The following IGF1 variants were observed in gnomAD, a reference collection of about 807,000 sequenced individuals.
IGF1 encodes insulin like growth factor 1.
Under a neutral mutation model 13.8 loss-of-function variants are expected in IGF1, and 4 were observed. The ratio of observed to expected loss-of-function variants is 0.29; its 90% CI spans 0.14 to 0.66. IGF1 has a LOEUF of 0.66. Among genes scored for constraint, IGF1 ranks in the 30% least tolerant of loss-of-function variants. The pLI, the probability that IGF1 is intolerant of heterozygous loss-of-function variation, is 0.78. For missense variants in IGF1, 124 were observed against 188.5 expected (o/e 0.66, Z 2.00); for synonymous variants, 76 against 72.6 (o/e 1.05, Z -0.23).
At position 102,395,925 on chromosome 12, in the gene IGF1, T is replaced by G. The variant is rs1235941006; in HGVS notation, c.*6582A>C. The stretch of plus-strand genomic sequence containing the variant: ...TAATTACTAAAGAAAGATATACCAT[T>G]TTATTATGACACTCTAGCCATACAT... On this transcript the variant is annotated 3_prime_UTR_variant, in exon 4 of 4. Coordinates refer to ENST00000337514, the MANE Select transcript of IGF1 (RefSeq NM_000618.5). 1 of 152,140 alleles carries G rather than the reference T, an allele frequency of 6.6e-6. No individual in the cohort carries two copies. Among genetic ancestry groups the G allele is most frequent in the African/African-American group, 2.4e-5 (1 of 41,430 alleles). The allele number at this position is 152,140 out of a possible 1,614,324, so 9.4% of individuals were successfully genotyped here.
chr12:102,448,465 G>C (rs1238770994), intron 2 of IGF1, among the ~76,000 whole-genome samples: 17 of 143,542 alleles, frequency 1.2e-4, no homozygotes, highest in Admixed American at 2.8e-4. Context: ...CGCATATTCT[G>C]ACTCATAGGT....
chr12:102,433,067 A>G (rs1003736508), intron 2 of IGF1, among the ~76,000 whole-genome samples: 2 of 152,146 alleles, frequency 1.3e-5, no homozygotes, highest in Non-Finnish European at 2.9e-5. Context: ...GCTCCTTCTG[A>G]ACTCAGGTCC....
In IGF1 at chr12:102,398,402, T is replaced by G. The variant is rs1185984975; in HGVS notation, c.*4105A>C. 3.3e-5 allele frequency: 5 copies of G among 152,258 alleles called. No individual in the cohort carries two copies. The highest frequency in any genetic ancestry group is 5.9e-5 in the Non-Finnish European group (4 of 68,030). 9.4% of individuals were successfully genotyped at this position (152,258 alleles called of 1,614,324 possible). A position where few individuals can be genotyped will look rare whatever the true frequency, so the allele number is the denominator to read the frequency against. The stretch of plus-strand genomic sequence containing the variant: ...TTCTCTTTGTTCTTATTTTCTCCAC[T>G]TGCTGAATATCTGTTTTAGAGCAGA... On this transcript the variant is annotated 3_prime_UTR_variant, in exon 4 of 4. Transcript: ENST00000337514.
chr12:102,430,532 A>G (rs1382811928), intron 2 of IGF1, among the ~76,000 whole-genome samples: 1 of 152,184 alleles, frequency 6.6e-6, no homozygotes, highest in Non-Finnish European at 1.5e-5. Context: ...AGGAGTTCTG[A>G]TGAGAGAATG....
rs1352283655 is a variant in IGF1 at position 102,398,354 on chromosome 12, T to C, written c.*4153A>G. ...AGGGGGATTTGGCAGAAGCTATTTT[T>C]TGCAGGTAAATCTATGTATTTTTTC... On this transcript the variant is annotated 3_prime_UTR_variant, in exon 4 of 4. Transcript: ENST00000337514. 6 of 152,512 alleles carry C rather than the reference T, an allele frequency of 3.9e-5. No homozygotes were observed. The highest frequency in any genetic ancestry group is 1.4e-4 in the African/African-American group (6 of 41,466). The allele number at this position is 152,512 out of a possible 1,614,324, so 9.4% of individuals were successfully genotyped here.
intron 3 of IGF1, among the ~76,000 whole-genome samples, chr12:102,415,466 G>A (rs1295252124): frequency 4.0e-5 from 6 of 151,540 alleles, no homozygotes; most frequent in Admixed American, 2.0e-4. Flanking sequence ...AACTCATTCC[G>A]AAAAGAACTG....
chr12:102,441,906 G>GCTGCTGCTGCTTCTGCTTCTTCTT, intron 2 of IGF1, among the ~76,000 whole-genome samples: 1 of 100,292 alleles, frequency 1.0e-5, no homozygotes, highest in African/African-American at 3.9e-5. Flanking sequence ...CTATTACACT[G>GCTGCTGCTGCTTCTGCTTCTTCTT]CTTCTTCTCC....
In IGF1 at chr12:102,419,611, A is replaced by G. The variant is rs761229025; in HGVS notation, c.300T>C (p.Cys100=). 1 of 1,613,796 alleles carries G rather than the reference A, an allele frequency of 6.2e-7. No individual in the cohort carries two copies. Among genetic ancestry groups the G allele is most frequent in the Non-Finnish European group, 8.5e-7 (1 of 1,180,008 alleles). Residue 100 remains cysteine (C), a synonymous_variant, in exon 3 of 4, where the codon TGT becomes TGC. Coordinates refer to ENST00000337514, the MANE Select transcript of IGF1 (RefSeq NM_000618.5). ...GIVDECCFRS[C]DLRRLEMYCA... ...AATACATCTCCAGCCTCCTTAGATC[A>G]CAGCTCCGGAAGCAGCACTCATCCA...
At chr12:102,462,553 T>G (rs1324409518) in intron 2 of IGF1, among the ~76,000 whole-genome samples, 1 of 152,218 alleles carries the variant, frequency 6.6e-6, no homozygotes, top group African/African-American at 2.4e-5. Flanking sequence ...AAAGCACCGA[T>G]AATCTACAGA....
chr12:102,465,806 G>C (rs574941102), intron 2 of IGF1, among the ~76,000 whole-genome samples: 1 of 152,060 alleles, frequency 6.6e-6, no homozygotes, highest in African/African-American at 2.4e-5. Context: ...GCAAGGTGGT[G>C]CATGCCTGTC....
At chr12:102,454,664 T>C (rs978175409) in intron 2 of IGF1, among the ~76,000 whole-genome samples, 3 of 152,194 alleles carry the variant, frequency 2.0e-5, no homozygotes, top group East Asian at 1.9e-4. Flanking sequence ...ATTTTGAAAA[T>C]TGTTCATAGA....
chr12:102,440,103 G>A (rs1030313178), intron 2 of IGF1, among the ~76,000 whole-genome samples: 16 of 152,082 alleles, frequency 1.1e-4, no homozygotes, highest in African/African-American at 2.7e-4. Flanking sequence ...TGATTCTTAC[G>A]GCCGCTAAGC....
At chr12:102,448,458 A>G (rs554394329) in intron 2 of IGF1, among the ~76,000 whole-genome samples, 81 of 145,726 alleles carry the variant, frequency 5.6e-4, no homozygotes, top group South Asian at 9.0e-4. Flanking sequence ...CAAACACCGC[A>G]TATTCTGACT....
In IGF1 at chr12:102,396,583, TTTACA is replaced by T. The variant is rs1873202394; in HGVS notation, c.*5919_*5923del. On this transcript the variant is annotated 3_prime_UTR_variant, in exon 4 of 4. Coordinates refer to ENST00000337514, the MANE Select transcript of IGF1 (RefSeq NM_000618.5). ...AGAGCTCTGTTTTTATTTTTCCTAC[TTTACA>T]TCAGTGCATTTTGGGCAAAATAAAA... 1 of 299,334 alleles carries T rather than the reference TTTACA, an allele frequency of 3.3e-6. No individual in the cohort carries two copies. The highest frequency in any genetic ancestry group is 6.1e-6 in the Non-Finnish European group (1 of 164,894). The allele number at this position is 299,334 out of a possible 1,614,324, so 18.5% of individuals were successfully genotyped here.
chr12:102,418,342 G>C (rs1244093302), intron 3 of IGF1, among the ~76,000 whole-genome samples: 1 of 152,228 alleles, frequency 6.6e-6, no homozygotes, highest in Non-Finnish European at 1.5e-5. Flanking sequence ...ACTGTGTTCT[G>C]TGTGTGTTGG....
At chr12:102,419,101 T>C (rs1294973916) in intron 3 of IGF1, among the ~76,000 whole-genome samples, 2 of 152,222 alleles carry the variant, frequency 1.3e-5, no homozygotes, top group Non-Finnish European at 2.9e-5. Flanking sequence ...TCTCAAAGTA[T>C]ATGCATGAGC....
Position 102,441,906 on chromosome 12 carries a change from G to GCTGCTGCTGCCTCTTCTTCTTCTTCTT in IGF1, c.221-22217_221-22216insAAGAAGAAGAAGAAGAGGCAGCAGCAG. Among the ~76,000 whole-genome samples, 125 of 100,326 alleles carry GCTGCTGCTGCCTCTTCTTCTTCTTCTT rather than the reference G, an allele frequency of 1.2e-3. 2 individuals are homozygous for GCTGCTGCTGCCTCTTCTTCTTCTTCTT. Among genetic ancestry groups the GCTGCTGCTGCCTCTTCTTCTTCTTCTT allele is most frequent in the Non-Finnish European group, 2.0e-3 (97 of 48,396 alleles). 65.8% of individuals were successfully genotyped at this position (100,326 alleles called of 152,430 possible). A position where few individuals can be genotyped will look rare whatever the true frequency, so the allele number is the denominator to read the frequency against. ...GAGCACTAAGTCATTCTATTACACT[G>GCTGCTGCTGCCTCTTCTTCTTCTTCTT]CTTCTTCTCCTTCTTCTTCTTCTTC... On this transcript the variant is annotated intron_variant, in intron 2 of 3. Transcript: ENST00000337514.
intron 2 of IGF1, among the ~76,000 whole-genome samples, chr12:102,452,929 A>G (rs1879089175): frequency 6.6e-6 from 1 of 152,210 alleles, no homozygotes; most frequent in Non-Finnish European, 1.5e-5. Flanking sequence ...CTGGGTTAGC[A>G]ACACGTTGCA....
At position 102,401,747 on chromosome 12, in the gene IGF1, G is replaced by A. The variant is rs1174243746; in HGVS notation, c.*760C>T. Reference sequence around the variant, plus strand: ...TTGCACATTAACTCATCATTTGAAGGAACTCTTTTGAGTTGAAGAAACTTT... The same window carrying A: ...TTGCACATTAACTCATCATTTGAAGAAACTCTTTTGAGTTGAAGAAACTTT... On this transcript the variant is annotated 3_prime_UTR_variant, in exon 4 of 4. Transcript: ENST00000337514. 1 of 152,378 alleles carries A rather than the reference G, an allele frequency of 6.6e-6. No homozygotes were observed. Among genetic ancestry groups the A allele is most frequent in the Non-Finnish European group, 1.5e-5 (1 of 68,050 alleles). The allele number at this position is 152,378 out of a possible 1,614,324, so 9.4% of individuals were successfully genotyped here.
Sources: gnomAD v4.1 joint callset for allele counts (sites outside exome capture counted in the v4.1 genomes callset) on GRCh38, gnomAD v4.1.1 for gene constraint, MANE v1.5 for transcripts, NCBI Gene and HGNC (gene_info 2026-07-23, HGNC 2026-07-21) for gene names.